Variants in FYB1 observed in about 807,000 individuals in gnomAD.
FYB1 encodes the protein FYN-binding protein 1.
Under a neutral mutation model 94.1 loss-of-function variants are expected in FYB1, and 41 were observed. The ratio of observed to expected loss-of-function variants is 0.44; its 90% CI spans 0.34 to 0.57. FYB1 has a LOEUF of 0.57. Among genes scored for constraint, FYB1 ranks in the 20% least tolerant of loss-of-function variants. The pLI, the probability that FYB1 is intolerant of heterozygous loss-of-function variation, is 0.02. For missense variants in FYB1, 1,050 were observed against 976.8 expected, an observed-to-expected ratio of 1.07 and a Z score of -1.00; for synonymous variants, 367 against 353.2, an observed-to-expected ratio of 1.04 and a Z score of -0.44.
intron 2 of FYB1, among the ~76,000 whole-genome samples, chr5:39,194,664 C>G (rs1747672529): frequency 6.6e-6 from 1 of 152,102 alleles, no homozygotes; most frequent in Admixed American, 6.6e-5. Context: ...GCTGGCTTAT[C>G]TTAGAAGAGC....
intron 1 of FYB1, among the ~76,000 whole-genome samples, chr5:39,216,320 T>C (rs1464232859): frequency 6.6e-6 from 1 of 152,242 alleles, no homozygotes; most frequent in Non-Finnish European, 1.5e-5. Context: ...ATTAGAAATC[T>C]CTAATATAAA....
chr5:39,197,630 C>T (rs1465251754), intron 2 of FYB1, among the ~76,000 whole-genome samples: 1 of 152,226 alleles, frequency 6.6e-6, no homozygotes, highest in African/African-American at 2.4e-5. Flanking sequence ...CAATGACCTT[C>T]GAAAACTGCC....
intron 4 of FYB1, among the ~76,000 whole-genome samples, chr5:39,140,869 C>T (rs1742110861): frequency 1.3e-5 from 2 of 152,108 alleles, no homozygotes; most frequent in Admixed American, 1.3e-4. Flanking sequence ...AGAATTTGTG[C>T]AAACACACAT....
rs1738620863 is a variant in FYB1, at chr5:39,107,281, T to C, written c.*162A>G. 1 of 433,192 alleles carries C rather than the reference T, an allele frequency of 2.3e-6. No individual in the cohort carries two copies. Among genetic ancestry groups the C allele is most frequent in the Middle Eastern group, 4.1e-4 (1 of 2,414 alleles). 26.8% of individuals were successfully genotyped at this position (433,192 alleles called of 1,614,324 possible). The stretch of plus-strand genomic sequence containing the variant: ...AATTAAGCAGAGAGATTATTTTCTA[T>C]GTTCAAACTTTAAACACTTTGTAAA... On this transcript the variant is annotated 3_prime_UTR_variant, in exon 19 of 19. Transcript: ENST00000512982.
At chr5:39,169,423 T>TA (rs1251706048) in intron 2 of FYB1, 1 of 745,448 alleles carries the variant, frequency 1.3e-6, no homozygotes, top group African/African-American at 1.7e-5. Context: ...TCTGTGCCAT[T>TA]AAAAAGAACA....
intron 1 of FYB1, among the ~76,000 whole-genome samples, chr5:39,205,948 G>A (rs564098824): frequency 1.6e-4 from 25 of 152,238 alleles, no homozygotes; most frequent in East Asian, 7.7e-4. Context: ...AGAATTGCAC[G>A]TAATATATAT....
At chr5:39,108,936 G>A (rs1738800950) in intron 17 of FYB1, among the ~76,000 whole-genome samples, 1 of 151,974 alleles carries the variant, frequency 6.6e-6, no homozygotes, top group Non-Finnish European at 1.5e-5. Context: ...TCCCTTCTAT[G>A]TACCAGGAGA....
intron 2 of FYB1, among the ~76,000 whole-genome samples, chr5:39,180,393 T>C (rs1052476052): frequency 6.6e-6 from 1 of 152,194 alleles, no homozygotes; most frequent in African/African-American, 2.4e-5. Context: ...TTCATTCCTA[T>C]TCTTTTTCCA....
intron 3 of FYB1, among the ~76,000 whole-genome samples, chr5:39,147,889 T>C (rs1006691652): frequency 6.7e-6 from 1 of 150,152 alleles, no homozygotes; most frequent in Non-Finnish European, 1.5e-5. Flanking sequence ...ACCGTGTTAG[T>C]CAGGATGGTC....
intron 2 of FYB1, among the ~76,000 whole-genome samples, chr5:39,176,734 G>A (rs1033647015): frequency 6.6e-6 from 1 of 152,190 alleles, no homozygotes; most frequent in Non-Finnish European, 1.5e-5. Context: ...TTTCAGAAAT[G>A]AGGCTTTTTG....
chr5:39,156,962 A>G (rs1435390940), intron 2 of FYB1, among the ~76,000 whole-genome samples: 1 of 152,212 alleles, frequency 6.6e-6, no homozygotes, highest in African/African-American at 2.4e-5. Flanking sequence ...ATCTGGGAAT[A>G]ATGATATTAA....
intron 1 of FYB1, among the ~76,000 whole-genome samples, chr5:39,207,963 C>T (rs1414105740): frequency 6.6e-6 from 1 of 152,092 alleles, no homozygotes; most frequent in African/African-American, 2.4e-5. Flanking sequence ...ATTGAGAAAC[C>T]CTGAGCTAAT....
intron 1 of FYB1, among the ~76,000 whole-genome samples, chr5:39,264,925 G>A (rs1326656112): frequency 6.6e-6 from 1 of 152,232 alleles, no homozygotes; most frequent in East Asian, 1.9e-4. Context: ...TCAGTGCAAG[G>A]TATTTTATTT....
chr5:39,124,914 T>TA (rs1740488678), intron 12 of FYB1, among the ~76,000 whole-genome samples: 1 of 94,476 alleles, frequency 1.1e-5, no homozygotes, highest in Non-Finnish European at 2.0e-5. Context: ...CTAAATACAC[T>TA]CCACACACAC....
rs568900638 is a variant in FYB1 at position 39,219,509 on chromosome 5, G to C, written c.-94C>G. The C allele has an allele frequency of 1.2e-3, 1,223 of 985,456 alleles. 9 individuals carry two copies. In the South Asian group the frequency reaches 0.017, roughly 14 times the overall value. The allele number at this position is 985,456 out of a possible 1,614,324, so 61.0% of individuals were successfully genotyped here. A position where few individuals can be genotyped will look rare whatever the true frequency, so the allele number is the denominator to read the frequency against. ...TGGATCTTCCTGGGCCAGGGTCTGG[G>C]CCCTACTCACTTCTAGCTGTCGCAT... On this transcript the variant is annotated 5_prime_UTR_variant, in exon 1 of 19. Coordinates refer to ENST00000512982, the MANE Select transcript of FYB1 (RefSeq NM_001465.6).
chr5:39,134,450 CT>C, intron 8 of FYB1, 101 bp from the exon 9 acceptor site: 1 of 1,062,112 alleles, frequency 9.4e-7, no homozygotes, highest in East Asian at 2.6e-5. Flanking sequence ...AAACTTTCCC[CT>C]GATTTATTTT....
chr5:39,241,203 A>C lies in FYB1; in HGVS notation c.-28+33200T>G, dbSNP rs1282114906. The stretch of plus-strand genomic sequence containing the variant: ...GATAGAGAGGATCAAAGGAATGCCT[A>C]TTGGGTACTATGCTGATTACCCACC... On this transcript the variant is annotated intron_variant, in intron 1 of 1. Transcript: ENST00000510188. 3.3e-5 allele frequency among the ~76,000 whole-genome samples: 5 copies of C among 152,330 alleles called. No individual in the cohort carries two copies. The East Asian group carries it at 9.7e-4, about 29-fold the overall frequency.
intron 1 of FYB1, among the ~76,000 whole-genome samples, chr5:39,248,190 A>T (rs1036139831): frequency 3.3e-5 from 5 of 152,336 alleles, no homozygotes; most frequent in Admixed American, 3.3e-4. Context: ...ACTCTAATTG[A>T]CTGATAACCA....
At chr5:39,135,043 G>C (rs1232587741) in intron 7 of FYB1, 29 bp from the exon 8 acceptor site, 2 of 1,604,486 alleles carry the variant, frequency 1.2e-6, no homozygotes, top group Non-Finnish European at 1.7e-6. Context: ...AGTCACAAAA[G>C]ATTTCCTTAT....
Sources: gnomAD v4.1 joint callset for allele counts (sites outside exome capture counted in the v4.1 genomes callset) on GRCh38, gnomAD v4.1.1 for gene constraint, MANE v1.5 for transcripts, NCBI Gene and HGNC (gene_info 2026-07-23, HGNC 2026-07-21) for gene names.